Variants in LRRC8C observed in about 807,000 individuals in gnomAD.
The protein encoded by LRRC8C is volume-regulated anion channel subunit LRRC8C.
In LRRC8C, 20 loss-of-function variants were observed where a neutral mutation model predicts 55.3. The ratio of observed to expected loss-of-function variants is 0.36; its 90% confidence interval spans 0.25 to 0.53. The LOEUF is 0.53. Among genes scored for constraint, LRRC8C ranks in the 20% least tolerant of loss-of-function variants. The pLI is 0.92. For synonymous variants in LRRC8C, 376 were observed against 360.7 expected (o/e 1.04, Z -0.48); for missense variants, 659 against 951.4 (o/e 0.69, Z 4.04).
chr1:89,681,580 A>AGG (rs1218265141), intron 1 of LRRC8C, among the ~76,000 whole-genome samples: 1 of 152,226 alleles, frequency 6.6e-6, no homozygotes, highest in Non-Finnish European at 1.5e-5. Context: ...TGGAAGGTGA[A>AGG]GGAGGGGCAA....
intron 2 of LRRC8C, among the ~76,000 whole-genome samples, chr1:89,709,877 C>G (rs1294774200): frequency 3.3e-5 from 5 of 151,844 alleles, no homozygotes; most frequent in East Asian, 1.9e-4. Flanking sequence ...TCAGCCTCCC[C>G]AGTAGTTGGG....
chr1:89,698,262 T>C (rs1658226790), intron 2 of LRRC8C, among the ~76,000 whole-genome samples: 1 of 152,202 alleles, frequency 6.6e-6, no homozygotes, highest in Non-Finnish European at 1.5e-5. Context: ...CCAGATGTTC[T>C]CTGGCATCTG....
Position 89,714,287 on chromosome 1 carries a change from C to T in LRRC8C, c.1717C>T (p.His573Tyr). The change falls in exon 3 of 3, where the codon CAT becomes TAT. Residue 573 changes from histidine to tyrosine, a missense_variant. Around this residue, in one of 5 missense-constraint regions of LRRC8C, gnomAD observed 344 missense variants for 464.6 expected, o/e 0.74. Transcript: ENST00000370454. The surrounding 1 kb of genome is among the most constrained non-coding windows in gnomAD (Gnocchi z 4.6). Reference sequence around the variant, plus strand: ...CAGCCATCTCCAGAAGATGTGCATACATAATGATGGCACCAAGCTGGTGAT... The same window carrying T: ...CAGCCATCTCCAGAAGATGTGCATATATAATGATGGCACCAAGCTGGTGAT... ...VSSHLQKMCI[H>Y]NDGTKLVMLN... 6.2e-7 allele frequency: 1 copy of T among 1,614,158 alleles called. No individual in the cohort carries two copies. Among genetic ancestry groups the T allele is most frequent in the Non-Finnish European group, 8.5e-7 (1 of 1,180,026 alleles).
intron 1 of LRRC8C, among the ~76,000 whole-genome samples, chr1:89,648,442 T>C (rs1167685378): frequency 3.3e-5 from 5 of 152,200 alleles, no homozygotes; most frequent in African/African-American, 1.2e-4. Context: ...ATTTTTAGTA[T>C]AAATAATAAC....
At chr1:89,659,057 T>TG (rs1166109211) in intron 1 of LRRC8C, among the ~76,000 whole-genome samples, 3 of 81,618 alleles carry the variant, frequency 3.7e-5, no homozygotes, top group African/African-American at 1.4e-4. Context: ...GGTTTTTTTT[T>TG]TTTTTGTGTG....
At chr1:89,680,519 G>T (rs1657676097) in intron 1 of LRRC8C, among the ~76,000 whole-genome samples, 1 of 137,826 alleles carries the variant, frequency 7.3e-6, no homozygotes, top group African/African-American at 2.7e-5. Flanking sequence ...ATTGGTAGTT[G>T]ATAAGTGCCA....
intron 1 of LRRC8C, among the ~76,000 whole-genome samples, chr1:89,675,468 G>T (rs1200638066): frequency 5.3e-5 from 8 of 152,182 alleles, no homozygotes; most frequent in African/African-American, 1.9e-4. Flanking sequence ...TCTGGGCTGC[G>T]CTGTGTGTTC....
chr1:89,686,290 G>C (rs1657881008), intron 1 of LRRC8C, among the ~76,000 whole-genome samples, 180 bp from the exon 2 acceptor site: 1 of 152,028 alleles, frequency 6.6e-6, no homozygotes, highest in African/African-American at 2.4e-5. Context: ...TTTCCATGTG[G>C]GTCTCCTTAT....
intron 1 of LRRC8C, among the ~76,000 whole-genome samples, chr1:89,683,925 A>G (rs187640361): frequency 5.8e-4 from 89 of 152,310 alleles, no homozygotes; most frequent in African/African-American, 1.9e-3. Flanking sequence ...AGAAGCAGAT[A>G]TATCTTCTAT....
intron 1 of LRRC8C, among the ~76,000 whole-genome samples, chr1:89,685,098 GTTCTTTTTT>G (rs1657830573): frequency 1.7e-5 from 2 of 115,116 alleles, no homozygotes; most frequent in African/African-American, 6.4e-5. Flanking sequence ...TGTCTATCTA[GTTCTTTTTT>G]TTTTTTTTTT....
At chr1:89,640,436 A>T (rs1656422326) in intron 1 of LRRC8C, among the ~76,000 whole-genome samples, 1 of 152,254 alleles carries the variant, frequency 6.6e-6, no homozygotes, top group Admixed American at 6.5e-5. Context: ...TATCTTAGAG[A>T]TTTATGAAAA....
intron 1 of LRRC8C, among the ~76,000 whole-genome samples, chr1:89,656,409 T>TTAGC (rs1459977779): frequency 6.6e-6 from 1 of 152,230 alleles, no homozygotes; most frequent in Non-Finnish European, 1.5e-5. Flanking sequence ...ATTATTGGTA[T>TTAGC]TAGCTATCGA....
intron 1 of LRRC8C, among the ~76,000 whole-genome samples, chr1:89,674,623 C>A (rs978542864): frequency 6.6e-6 from 1 of 152,102 alleles, no homozygotes; most frequent in Non-Finnish European, 1.5e-5. Flanking sequence ...GGCTGGAGGA[C>A]CTGAAATTTT....
At chr1:89,624,161 T>C in the LRRC8C span, among the ~76,000 whole-genome samples, 1 of 152,366 alleles carries the variant, frequency 6.6e-6, no homozygotes, top group East Asian at 1.9e-4. Context: ...CAACCTTTTA[T>C]GAGCAGTAAG....
chr1:89,700,144 A>C (rs139508151), intron 2 of LRRC8C, among the ~76,000 whole-genome samples: 88 of 152,262 alleles, frequency 5.8e-4, no homozygotes, highest in African/African-American at 1.9e-3. Context: ...CTCAGAAAAG[A>C]AGAGTGACAC....
chr1:89,621,877 A>G, the LRRC8C span, among the ~76,000 whole-genome samples: 1 of 152,216 alleles, frequency 6.6e-6, no homozygotes, highest in South Asian at 2.1e-4. Flanking sequence ...TCCAAGTGGC[A>G]TAACTAGAAT....
chr1:89,680,549 C>CTTTTTTTTTT (rs10593283), intron 1 of LRRC8C, among the ~76,000 whole-genome samples: 18 of 91,864 alleles, frequency 2.0e-4, no homozygotes, highest in Non-Finnish European at 2.7e-4. Context: ...TGCTTTCATG[C>CTTTTTTTTTT]TTTTTTTTTT....
chr1:89,712,821 C>T lies in LRRC8C; in HGVS notation c.251C>T (p.Pro84Leu). The change falls in exon 3 of 3, where the codon CCT (proline) becomes CTT (leucine). Residue 84 changes from proline (P) to leucine (L), a missense_variant. By Grantham distance (98) the Pro-to-Leu change is moderately conservative (BLOSUM62 -3). This residue lies in a region of LRRC8C where 82 missense variants were observed against 71.4 expected (regional missense o/e 1.15). Transcript: ENST00000370454. ...AVASTTPLPPPKPSPANPITV... is the reference protein window; with the variant it reads ...AVASTTPLPPLKPSPANPITV... Reference sequence around the variant, plus strand: ...GCCAGTACCACTCCACTGCCTCCACCTAAACCATCTCCTGCTAACCCCATC... The same window carrying T: ...GCCAGTACCACTCCACTGCCTCCACTTAAACCATCTCCTGCTAACCCCATC... The T allele has an allele frequency of 6.2e-7, 1 of 1,614,180 alleles. No homozygotes were observed. Among genetic ancestry groups the T allele is most frequent in the Non-Finnish European group, 8.5e-7 (1 of 1,180,024 alleles).
At chr1:89,629,482 T>C (rs1328695135), upstream of LRRC8C, among the ~76,000 whole-genome samples, 3 of 152,344 alleles carry the variant, frequency 2.0e-5, no homozygotes, top group South Asian at 2.1e-4. Context: ...AATCCCAGCA[T>C]TGACATCATC....
Sources: allele counts gnomAD v4.1 joint callset (sites outside exome capture counted in the v4.1 genomes callset), GRCh38; gene constraint gnomAD v4.1.1; regional missense constraint gnomAD v4.1.1; non-coding constraint Gnocchi (gnomAD v3.1); transcripts MANE v1.5; gene names NCBI Gene and HGNC (gene_info 2026-07-23, HGNC 2026-07-21).